ADAMTS2: variants seen among roughly 807,000 people sequenced by gnomAD.
ADAMTS2 encodes the protein ADAM metallopeptidase with thrombospondin type 1 motif 2, also known as A disintegrin and metalloproteinase with thrombospondin motifs 2.
Under a neutral mutation model 123.0 loss-of-function variants are expected in ADAMTS2, and 50 were observed. The observed-to-expected ratio is 0.41, with a 90% CI of 0.32 to 0.51. ADAMTS2 has a LOEUF of 0.51. ADAMTS2 is among the 20% of genes least tolerant of loss of function. The probability of loss-of-function intolerance (pLI) is 0.35; values close to 1 mark genes in which losing one functional copy is unlikely to be tolerated. For synonymous variants in ADAMTS2, 678 were observed against 695.4 expected (o/e 0.98, Z 0.39); for missense variants, 1,494 against 1,705.2 (o/e 0.88, Z 2.18).
intron 2 of ADAMTS2, among the ~76,000 whole-genome samples, chr5:179,280,211 G>T (rs948991567): frequency 6.6e-6 from 1 of 152,172 alleles, no homozygotes; most frequent in African/African-American, 2.4e-5. Flanking sequence ...GCTGGCCGGA[G>T]CCAATTTCCA....
chr5:179,194,395 C>A (rs1740865979), intron 4 of ADAMTS2, among the ~76,000 whole-genome samples: 1 of 152,192 alleles, frequency 6.6e-6, no homozygotes, highest in African/African-American at 2.4e-5. Context: ...GCTGCTCTAT[C>A]CGGGTGCACT....
chr5:179,128,254 CG>C lies in ADAMTS2; in HGVS notation c.2458-137del, dbSNP rs1762896435. ...GCAGTTACATTCCATGAAGTCGCCC[CG>C]AGCACCAAATTCTTGAATAGGGAGC... On this transcript the variant is annotated intron_variant, in intron 16 of 21. Transcript: ENST00000251582. This position sits in a 1 kb window ranked among gnomAD's most constrained non-coding sequence, Gnocchi z 4.9. The C allele has an allele frequency of 8.1e-6, 9 of 1,115,800 alleles. No individual in the cohort carries two copies. The highest frequency in any genetic ancestry group is 1.3e-5 in the South Asian group (1 of 75,188). 69.1% of individuals were successfully genotyped at this position (1,115,800 alleles called of 1,614,324 possible).
At chr5:179,218,838 A>C (rs1302363920) in intron 3 of ADAMTS2, among the ~76,000 whole-genome samples, 1 of 152,212 alleles carries the variant, frequency 6.6e-6, no homozygotes, top group Non-Finnish European at 1.5e-5. Context: ...AAAGGAGAGA[A>C]GGCCTCTCCG....
rs1581141370 is a variant in ADAMTS2 at position 179,129,486 on chromosome 5, C to T, written c.2457+446G>A. Reference sequence around the variant, plus strand: ...AAAAGAAAGTGATTTGAAAATCCAGCCCCCGTGGTACTTTCCTACAACCAG... The same window carrying T: ...AAAAGAAAGTGATTTGAAAATCCAGTCCCCGTGGTACTTTCCTACAACCAG... On this transcript the variant is annotated intron_variant, in intron 16 of 21. Coordinates refer to ENST00000251582, the MANE Select transcript of ADAMTS2 (RefSeq NM_014244.5). The surrounding 1 kb of genome is among the most constrained non-coding windows in gnomAD (Gnocchi z 4.1). 1.3e-5 allele frequency among the ~76,000 whole-genome samples: 2 copies of T among 152,282 alleles called. No homozygotes were observed. The highest frequency in any genetic ancestry group is 1.3e-4 in the Admixed American group (2 of 15,292).
intron 4 of ADAMTS2, among the ~76,000 whole-genome samples, chr5:179,201,388 G>T (rs1220323556): frequency 1.3e-5 from 2 of 152,172 alleles, no homozygotes; most frequent in African/African-American, 2.4e-5. Flanking sequence ...GTGTGTGACA[G>T]TCATATGGTG....
At chr5:179,177,101 CAG>C (rs1763950014) in intron 5 of ADAMTS2, among the ~76,000 whole-genome samples, 1 of 152,232 alleles carries the variant, frequency 6.6e-6, no homozygotes, top group South Asian at 2.1e-4. Flanking sequence ...CCCCTGAGGA[CAG>C]AGACTATGCC....
In ADAMTS2 at chr5:179,125,098, G is replaced by A; in HGVS notation, c.2833C>T (p.Pro945Ser). Reference protein sequence around the residue: ...MQVRSVRCIQPLHDNTTRSVH... With the variant: ...MQVRSVRCIQSLHDNTTRSVH... Reference sequence around the variant, plus strand: ...GAGCGGGTGGTGTTGTCGTGTAGCGGCTGAATGCAGCGCACGGAGCGCACC... The same window carrying A: ...GAGCGGGTGGTGTTGTCGTGTAGCGACTGAATGCAGCGCACGGAGCGCACC... The change falls in exon 19 of 22, where the codon CCG becomes TCG. Residue 945 changes from proline to serine, a missense_variant. By Grantham distance (74) the Pro-to-Ser change is moderately conservative. Around this residue, in one of 6 missense-constraint regions of ADAMTS2, gnomAD observed 953 missense variants for 1,124.7 expected, o/e 0.85. Coordinates refer to ENST00000251582, the MANE Select transcript of ADAMTS2 (RefSeq NM_014244.5). The A allele has an allele frequency of 6.2e-7, 1 of 1,612,892 alleles. No homozygotes were observed. The highest frequency in any genetic ancestry group is 2.2e-5 in the East Asian group (1 of 44,862).
At chr5:179,149,769 G>A (rs1279167178) in intron 10 of ADAMTS2, among the ~76,000 whole-genome samples, 2 of 152,120 alleles carry the variant, frequency 1.3e-5, no homozygotes, top group Non-Finnish European at 2.9e-5. Context: ...CGTCTTCCAC[G>A]TTCCCCCAAC....
At chr5:179,243,815 C>T (rs1289198419) in intron 3 of ADAMTS2, among the ~76,000 whole-genome samples, 2 of 152,120 alleles carry the variant, frequency 1.3e-5, no homozygotes, top group Non-Finnish European at 2.9e-5. Context: ...ATGACAATAT[C>T]TCATCAAATA....
intron 10 of ADAMTS2, among the ~76,000 whole-genome samples, chr5:179,146,368 GAGGT>G (rs944254552): frequency 1.3e-5 from 2 of 152,172 alleles, no homozygotes; most frequent in Admixed American, 1.3e-4. Context: ...ACATTTGGAG[GAGGT>G]GCTCTCTGGT....
At chr5:179,280,288 G>C (rs456424) in intron 2 of ADAMTS2, among the ~76,000 whole-genome samples, 1 of 152,178 alleles carries the variant, frequency 6.6e-6, no homozygotes, top group Admixed American at 6.5e-5. Context: ...ACTCCACTTT[G>C]AAGGGCAGGG....
intron 3 of ADAMTS2, among the ~76,000 whole-genome samples, chr5:179,208,871 G>A (rs951591091): frequency 1.3e-5 from 2 of 152,178 alleles, no homozygotes; most frequent in African/African-American, 4.8e-5. Context: ...ACCCAGGGCT[G>A]CAGGTCATCG....
chr5:179,236,841 C>A (rs994524964), intron 3 of ADAMTS2, among the ~76,000 whole-genome samples: 1 of 152,094 alleles, frequency 6.6e-6, no homozygotes, highest in South Asian at 2.1e-4. Context: ...AATATTTGTA[C>A]CCCCAAAATT....
At chr5:179,239,371 G>A (rs1213455354) in intron 3 of ADAMTS2, among the ~76,000 whole-genome samples, 1 of 152,222 alleles carries the variant, frequency 6.6e-6, no homozygotes, top group African/African-American at 2.4e-5. Flanking sequence ...CTGTGCAAAT[G>A]GAAGGAAGGA....
intron 3 of ADAMTS2, among the ~76,000 whole-genome samples, chr5:179,268,975 C>T (rs1187570324): frequency 6.6e-6 from 1 of 152,218 alleles, no homozygotes; most frequent in African/African-American, 2.4e-5. Context: ...GAAGAAAGGG[C>T]TTTGCAGATG....
intron 2 of ADAMTS2, among the ~76,000 whole-genome samples, chr5:179,329,219 C>G (rs1757411741): frequency 6.6e-6 from 1 of 151,304 alleles, no homozygotes; most frequent in African/African-American, 2.4e-5. Context: ...CCCAGCTACT[C>G]TTGAGGCTGA....
intron 2 of ADAMTS2, among the ~76,000 whole-genome samples, chr5:179,298,011 G>T (rs1048097579): frequency 5.3e-5 from 8 of 151,826 alleles, no homozygotes; most frequent in African/African-American, 1.9e-4. Flanking sequence ...GGGCCCCGGG[G>T]ACCTCCACAC....
At position 179,314,288 on chromosome 5, in the gene ADAMTS2, C is replaced by A. The variant is rs2113580803; in HGVS notation, c.534+29479G>T. 6.6e-6 allele frequency among the ~76,000 whole-genome samples: 1 copy of A among 152,344 alleles called. No individual in the cohort carries two copies. Among genetic ancestry groups the A allele is most frequent in the African/African-American group, 2.4e-5 (1 of 41,578 alleles). The stretch of plus-strand genomic sequence containing the variant: ...GCTCGGGGGAAGCACCTCTCGCCAG[C>A]CATCTGGGGCTTGGCTGGGCCTCAG... On this transcript the variant is annotated intron_variant, in intron 2 of 21. Coordinates refer to ENST00000251582, the MANE Select transcript of ADAMTS2 (RefSeq NM_014244.5). The surrounding 1 kb of genome is among the most constrained non-coding windows in gnomAD (Gnocchi z 4.5).
At position 179,162,392 on chromosome 5, in the gene ADAMTS2, C is replaced by A. The variant is rs1036043760; in HGVS notation, c.976-3513G>T. On this transcript the variant is annotated intron_variant, in intron 5 of 21. Transcript: ENST00000251582. The surrounding 1 kb of genome is among the most constrained non-coding windows in gnomAD (Gnocchi z 5.1). ...GCCTGCAGCGGCTGGAGCCCCCCTG[C>A]ACTACAGGAGACCCCCCACCAAGGA... 1.3e-5 allele frequency among the ~76,000 whole-genome samples: 2 copies of A among 152,162 alleles called. No individual in the cohort carries two copies. Among genetic ancestry groups the A allele is most frequent in the Non-Finnish European group, 2.9e-5 (2 of 68,016 alleles).
Sources: gnomAD v4.1 joint callset for allele counts (sites outside exome capture counted in the v4.1 genomes callset) on GRCh38, gnomAD v4.1.1 for gene constraint, gnomAD v4.1.1 regional missense constraint, Gnocchi (gnomAD v3.1) non-coding constraint, MANE v1.5 for transcripts, NCBI Gene and HGNC (gene_info 2026-07-23, HGNC 2026-07-21) for gene names.